Variants in KCTD16 observed in about 807,000 individuals in gnomAD.
KCTD16 encodes BTB/POZ domain-containing protein KCTD16.
In KCTD16, 13 loss-of-function variants were observed where a neutral mutation model predicts 33.2. The ratio of observed to expected loss-of-function variants is 0.39; its 90% CI spans 0.25 to 0.62. The LOEUF (loss-of-function observed/expected upper bound fraction) is 0.62, where lower values mean the gene tolerates loss of function less well. Ranked by LOEUF, KCTD16 falls within the 20% of genes least tolerant of loss-of-function variation. The pLI is 0.50. For synonymous variants in KCTD16, 197 were observed against 195.3 expected (o/e 1.01, Z -0.07); for missense variants, 441 against 525.1 (o/e 0.84, Z 1.57).
intron 3 of KCTD16, among the ~76,000 whole-genome samples, chr5:144,217,389 G>A (rs999027114): frequency 6.6e-6 from 1 of 152,048 alleles, no homozygotes; most frequent in Admixed American, 6.6e-5. Flanking sequence ...ATTTTGTCAA[G>A]CTGCAACAAA....
At chr5:144,325,024 A>G (rs180779344) in intron 3 of KCTD16, among the ~76,000 whole-genome samples, 140 of 152,320 alleles carry the variant, frequency 9.2e-4, no homozygotes, top group African/African-American at 3.2e-3. Flanking sequence ...CCCGTGGTAC[A>G]CGTTTACTTA....
intron 3 of KCTD16, among the ~76,000 whole-genome samples, chr5:144,234,104 C>T (rs1278169219): frequency 2.0e-5 from 3 of 152,216 alleles, no homozygotes; most frequent in South Asian, 4.1e-4. Flanking sequence ...CGTTTGCATT[C>T]CTAATCATCT....
At chr5:144,396,622 G>A (rs142169477) in intron 3 of KCTD16, among the ~76,000 whole-genome samples, 1,605 of 152,224 alleles carry the variant, frequency 0.011, 14 homozygotes, top group Non-Finnish European at 0.015. Flanking sequence ...AGCTTTGTAA[G>A]ATTTACACGT....
rs1754577124 is a variant in KCTD16 at position 144,475,587 on chromosome 5, C to A, written c.*1473C>A. ...AAGACCAGTTTTATTTTCAGCATTCCTCATGCATTTCAGTGGTAACCAAAA... is the reference window on the plus strand; with the variant it reads ...AAGACCAGTTTTATTTTCAGCATTCATCATGCATTTCAGTGGTAACCAAAA... On this transcript the variant is annotated 3_prime_UTR_variant, in exon 4 of 4. Coordinates refer to ENST00000512467, the MANE Select transcript of KCTD16 (RefSeq NM_020768.4). The A allele has an allele frequency of 6.6e-6, 1 of 152,566 alleles. No individual in the cohort carries two copies. The highest frequency in any genetic ancestry group is 1.5e-5 in the Non-Finnish European group (1 of 68,018). The allele number at this position is 152,566 out of a possible 1,614,324, so 9.5% of individuals were successfully genotyped here. A position where few individuals can be genotyped will look rare whatever the true frequency, so the allele number is the denominator to read the frequency against.
chr5:144,443,265 A>G (rs1363220), intron 3 of KCTD16, among the ~76,000 whole-genome samples: 27,306 of 152,124 alleles, frequency 0.18, 2,914 homozygotes, highest in Admixed American at 0.24. Context: ...GGAGTAGGTC[A>G]TGGCTTAAAC....
chr5:144,297,331 C>T (rs964047681), intron 3 of KCTD16, among the ~76,000 whole-genome samples: 1 of 152,086 alleles, frequency 6.6e-6, no homozygotes, highest in African/African-American at 2.4e-5. Context: ...GCCAAAACAG[C>T]TTTAAGCAAT....
At chr5:144,238,211 T>C (rs1396180685) in intron 3 of KCTD16, among the ~76,000 whole-genome samples, 2 of 152,118 alleles carry the variant, frequency 1.3e-5, no homozygotes, top group Admixed American at 6.6e-5. Context: ...AATATCAACA[T>C]GTTGACTTTG....
chr5:144,299,094 A>ATTTT (rs1561558328), intron 3 of KCTD16, among the ~76,000 whole-genome samples: 8 of 16,548 alleles, frequency 4.8e-4, no homozygotes, highest in Non-Finnish European at 8.5e-4. Context: ...ATATATCACT[A>ATTTT]TGTATATATA....
chr5:144,218,166 AG>A (rs1307878962), intron 3 of KCTD16, among the ~76,000 whole-genome samples: 1 of 152,180 alleles, frequency 6.6e-6, no homozygotes, highest in Non-Finnish European at 1.5e-5. Flanking sequence ...TGTGAACAGA[AG>A]CATATGGTCA....
chr5:144,230,793 TG>T (rs1479043536), intron 3 of KCTD16, among the ~76,000 whole-genome samples: 1 of 152,182 alleles, frequency 6.6e-6, no homozygotes. Context: ...CTGAATGGAA[TG>T]ATCAGGGATA....
intron 3 of KCTD16, among the ~76,000 whole-genome samples, chr5:144,372,931 T>C (rs1037556225): frequency 3.9e-5 from 6 of 152,138 alleles, no homozygotes; most frequent in Non-Finnish European, 5.9e-5. Flanking sequence ...TGGGCAAATA[T>C]AGTATAGAGC....
chr5:144,467,081 A>AT (rs1754360658), intron 3 of KCTD16, among the ~76,000 whole-genome samples: 2 of 131,700 alleles, frequency 1.5e-5, no homozygotes. Context: ...TAATATATAT[A>AT]GTGTTATATA....
At chr5:144,253,722 T>A (rs1393476912) in intron 3 of KCTD16, among the ~76,000 whole-genome samples, 1 of 152,092 alleles carries the variant, frequency 6.6e-6, no homozygotes, top group Non-Finnish European at 1.5e-5. Context: ...AAAGAAGCAT[T>A]TTTCCTCTCC....
chr5:144,389,981 T>A (rs1752413046), intron 3 of KCTD16, among the ~76,000 whole-genome samples: 1 of 152,224 alleles, frequency 6.6e-6, no homozygotes, highest in African/African-American at 2.4e-5. Flanking sequence ...GTAGACTGTC[T>A]CTGAATGTTT....
At chr5:144,336,728 T>A (rs1752502871) in intron 3 of KCTD16, among the ~76,000 whole-genome samples, 1 of 152,086 alleles carries the variant, frequency 6.6e-6, no homozygotes, top group Admixed American at 6.6e-5. Flanking sequence ...AGAAAGAAAG[T>A]GATTATTCAC....
At chr5:144,360,320 A>G (rs1291411320) in intron 3 of KCTD16, among the ~76,000 whole-genome samples, 1 of 151,910 alleles carries the variant, frequency 6.6e-6, no homozygotes, top group Non-Finnish European at 1.5e-5. Context: ...CTCATTTTTC[A>G]ACTTCCACTT....
At chr5:144,368,820 G>A (rs541701803) in intron 3 of KCTD16, among the ~76,000 whole-genome samples, 1 of 152,260 alleles carries the variant, frequency 6.6e-6, no homozygotes, top group Non-Finnish European at 1.5e-5. Flanking sequence ...ATCATCAAGA[G>A]GCCTTAGGAA....
At chr5:144,309,128 GAAAC>G (rs370943876) in intron 3 of KCTD16, among the ~76,000 whole-genome samples, 159 of 152,172 alleles carry the variant, frequency 1.0e-3, no homozygotes, top group African/African-American at 3.7e-3. Context: ...CCTTTTTTCT[GAAAC>G]AAACCAATTA....
rs1319560648 is a variant in KCTD16, at chr5:144,328,512, T to TA, written c.832+120967dup. Among the ~76,000 whole-genome samples the TA allele has an allele frequency of 1.5e-4, 23 of 149,190 alleles. No individual in the cohort carries two copies. The Middle Eastern group carries it at 0.01, about 66-fold the overall frequency. On this transcript the variant is annotated intron_variant, in intron 3 of 3. Coordinates refer to ENST00000512467, the MANE Select transcript of KCTD16 (RefSeq NM_020768.4). ...GGAAGCGAATATCCTCTTTTTTTTTTATTTTTTTTATTTTTTTTTATTTTG... is the reference window on the plus strand; with the variant it reads ...GGAAGCGAATATCCTCTTTTTTTTTTAATTTTTTTTATTTTTTTTTATTTTG...
Sources: gnomAD v4.1 joint callset for allele counts (sites outside exome capture counted in the v4.1 genomes callset) on GRCh38, gnomAD v4.1.1 for gene constraint, MANE v1.5 for transcripts, NCBI Gene and HGNC (gene_info 2026-07-23, HGNC 2026-07-21) for gene names.